The following NDUFS1 variants were observed in gnomAD, a reference collection of about 807,000 sequenced individuals.
NDUFS1 encodes the protein NADH:ubiquinone oxidoreductase core subunit S1, also known as NADH-ubiquinone oxidoreductase 75 kDa subunit, mitochondrial.
In NDUFS1, 61 loss-of-function variants were observed where a neutral mutation model predicts 84.4. The observed-to-expected ratio is 0.72, with a 90% CI of 0.59 to 0.89. The LOEUF is 0.89. Among genes scored for constraint, NDUFS1 ranks in the 40% least tolerant of loss-of-function variants. The pLI is 0.00. For synonymous variants in NDUFS1, 275 were observed against 290.0 expected (o/e 0.95, Z 0.53); for missense variants, 891 against 890.0 (o/e 1.00, Z -0.01).
At position 206,141,930 on chromosome 2, in the gene NDUFS1, C is replaced by G; in HGVS notation, c.1262+11G>C. On this transcript the variant is annotated intron_variant, in intron 12 of 18. Transcript: ENST00000233190. The stretch of plus-strand genomic sequence containing the variant: ...AATATTTTTAAACCTTGAATAAATA[C>G]TATTACCAACCTCTTTCGAATTCTA... 1 of 1,607,214 alleles carries G rather than the reference C, an allele frequency of 6.2e-7. No individual in the cohort carries two copies.
chr2:206,147,093 A>G lies in NDUFS1; in HGVS notation c.552-5T>C. 6.2e-7 allele frequency: 1 copy of G among 1,614,046 alleles called. No homozygotes were observed. Among genetic ancestry groups the G allele is most frequent in the African/African-American group, 1.3e-5 (1 of 75,042 alleles). The stretch of plus-strand genomic sequence containing the variant: ...CCTGCAATCTCACTTGCAAACCTAC[A>G]AGATAAAAAATGTGTCATCAATGGT... On this transcript the variant is annotated splice_polypyrimidine_tract_variant and splice_region_variant and intron_variant, in intron 7 of 18. Transcript: ENST00000233190.
chr2:206,134,511 A>AG, intron 13 of NDUFS1, among the ~76,000 whole-genome samples: 1 of 151,824 alleles, frequency 6.6e-6, no homozygotes, highest in African/African-American at 2.4e-5. Flanking sequence ...CTGTGGTCCC[A>AG]GTGGTGGCTG....
chr2:206,121,788 C>T lies in NDUFS1; in HGVS notation c.*2397G>A, dbSNP rs958418166. ...TTTTTTAGAGATTATGATTGTTCAC[C>T]ACAAGCTGCCTAGCAGGTAGCCCAA... On this transcript the variant is annotated 3_prime_UTR_variant, in exon 19 of 19. Coordinates refer to ENST00000233190, the MANE Select transcript of NDUFS1 (RefSeq NM_005006.7). 2 of 151,958 alleles carry T rather than the reference C, an allele frequency of 1.3e-5. No homozygotes were observed. Among genetic ancestry groups the T allele is most frequent in the African/African-American group, 2.4e-5 (1 of 41,372 alleles). The allele number at this position is 151,958 out of a possible 1,614,324, so 9.4% of individuals were successfully genotyped here.
In NDUFS1 at chr2:206,116,159, A is replaced by C; in HGVS notation, c.*8026T>G. On this transcript the variant is annotated 3_prime_UTR_variant, in exon 19 of 19. Coordinates refer to ENST00000233190, the MANE Select transcript of NDUFS1 (RefSeq NM_005006.7). ...TTTCTCATATGCTTCTTCACTCATA[A>C]GTTCATCTAGTTATGAAGGGTTACT... The C allele has an allele frequency of 1.3e-6, 2 of 1,539,458 alleles. No individual in the cohort carries two copies. Among genetic ancestry groups the C allele is most frequent in the Non-Finnish European group, 1.8e-6 (2 of 1,112,866 alleles).
intron 13 of NDUFS1, among the ~76,000 whole-genome samples, chr2:206,134,801 C>G (rs1260068996): frequency 1.3e-5 from 2 of 151,616 alleles, no homozygotes; most frequent in African/African-American, 4.8e-5. Flanking sequence ...TCACAATGAG[C>G]CCCATCTATA....
chr2:206,147,489 A>G (rs374836907), intron 7 of NDUFS1, 42 bp downstream of exon 7: 179 of 1,549,386 alleles, frequency 1.2e-4, no homozygotes, highest in Non-Finnish European at 1.5e-4. Context: ...TATTAAGTAT[A>G]CAATTATATT....
intron 18 of NDUFS1, among the ~76,000 whole-genome samples, chr2:206,124,602 G>A (rs1343716639): frequency 2.0e-5 from 3 of 152,158 alleles, no homozygotes; most frequent in Non-Finnish European, 4.4e-5. Context: ...CACTTTGGGA[G>A]GCCGAGGCAG....
At chr2:206,130,055 T>G in intron 15 of NDUFS1, 33 bp downstream of exon 15, 1 of 1,611,428 alleles carries the variant, frequency 6.2e-7, no homozygotes, top group South Asian at 1.1e-5. Context: ...TGTACTACTC[T>G]CTTTTGTTTC....
intron 1 of NDUFS1, among the ~76,000 whole-genome samples, chr2:206,155,278 G>A (rs939667378): frequency 2.0e-5 from 3 of 151,696 alleles, no homozygotes; most frequent in African/African-American, 7.3e-5. Flanking sequence ...ACCATGCCAG[G>A]CTAATTTTTT....
At chr2:206,138,673 A>G in intron 12 of NDUFS1, 59 bp from the exon 13 acceptor site, 1 of 1,533,128 alleles carries the variant, frequency 6.5e-7, no homozygotes, top group Non-Finnish European at 9.0e-7. Context: ...TACTGGTCTC[A>G]TCAATCCTAA....
chr2:206,152,112 C>T (rs770271600), intron 3 of NDUFS1, among the ~76,000 whole-genome samples: 4 of 152,156 alleles, frequency 2.6e-5, no homozygotes, highest in Non-Finnish European at 5.9e-5. Context: ...CCGCCCGCCT[C>T]GGCCTCCCAA....
intron 15 of NDUFS1, among the ~76,000 whole-genome samples, chr2:206,129,030 T>C (rs760224418): frequency 6.6e-6 from 1 of 151,832 alleles, no homozygotes; most frequent in Admixed American, 6.6e-5. Flanking sequence ...ACAGAAAAAT[T>C]TGGAAACACT....
Position 206,116,476 on chromosome 2 carries a change from C to T in NDUFS1, c.*7709G>A, listed in dbSNP as rs959768334. On this transcript the variant is annotated 3_prime_UTR_variant, in exon 19 of 19. Coordinates refer to ENST00000233190, the MANE Select transcript of NDUFS1 (RefSeq NM_005006.7). ...TGCAGGCTGCAGAGCACGGCCCGCA[C>T]GCTCCGCACCACTCGCAGCGCCATG... The T allele has an allele frequency of 3.7e-5, 44 of 1,197,442 alleles. No homozygotes were observed. The highest frequency in any genetic ancestry group is 2.6e-4 in the African/African-American group (17 of 66,490). The allele number at this position is 1,197,442 out of a possible 1,614,324, so 74.2% of individuals were successfully genotyped here.
intron 8 of NDUFS1, among the ~76,000 whole-genome samples, chr2:206,146,504 T>C (rs1692159185): frequency 1.3e-5 from 2 of 152,218 alleles, no homozygotes; most frequent in South Asian, 2.1e-4. Context: ...TAAACAGCAA[T>C]ATTTTTTACA....
intron 13 of NDUFS1, among the ~76,000 whole-genome samples, chr2:206,135,493 T>A (rs1691671974): frequency 6.6e-6 from 1 of 151,778 alleles, no homozygotes; most frequent in Non-Finnish European, 1.5e-5. Flanking sequence ...GCCAACATGG[T>A]GAAACCCTGT....
rs576516215 is a variant in NDUFS1 at position 206,150,420 on chromosome 2, T to A, written c.154-495A>T. The stretch of plus-strand genomic sequence containing the variant: ...TCTGTTTGCCCAGTAAGGGGGATTA[T>A]CCCTGCTCTGCCAATTATCACCTAC... On this transcript the variant is annotated intron_variant, in intron 3 of 18. Transcript: ENST00000233190. Among the ~76,000 whole-genome samples, 128 of 152,336 alleles carry A rather than the reference T, an allele frequency of 8.4e-4. 3 individuals carry two copies. In the Middle Eastern group the frequency reaches 0.01, roughly 12 times the overall value.
intron 12 of NDUFS1, among the ~76,000 whole-genome samples, chr2:206,139,794 G>T (rs1161282780): frequency 2.7e-5 from 4 of 147,050 alleles, no homozygotes; most frequent in African/African-American, 5.0e-5. Context: ...AAACTATATG[G>T]TTACCCTCTT....
At chr2:206,148,972 A>C in intron 5 of NDUFS1, 48 bp downstream of exon 5, 2 of 1,398,504 alleles carry the variant, frequency 1.4e-6, no homozygotes, top group South Asian at 1.2e-5. Flanking sequence ...CAAAATGTGC[A>C]ATTTTCTGCT....
chr2:206,159,032 T>G, intron 1 of NDUFS1: 1 of 1,514,770 alleles, frequency 6.6e-7, no homozygotes, highest in Non-Finnish European at 8.9e-7. Context: ...TAAAACGGCC[T>G]CCTCCTCTGA....
Sources: gnomAD v4.1 joint callset for allele counts (sites outside exome capture counted in the v4.1 genomes callset) on GRCh38, gnomAD v4.1.1 for gene constraint, MANE v1.5 for transcripts, NCBI Gene and HGNC (gene_info 2026-07-23, HGNC 2026-07-21) for gene names.